The following N4BP2L1 variants were observed in gnomAD, a reference collection of about 807,000 sequenced individuals.
N4BP2L1 encodes the protein NEDD4-binding protein 2-like 1.
Under a neutral mutation model 21.2 loss-of-function variants are expected in N4BP2L1, and 12 were observed. That is an observed-to-expected ratio of 0.57 (90% CI 0.36 to 0.92). N4BP2L1 has a LOEUF of 0.92. Ranked by LOEUF, N4BP2L1 falls within the 40% of genes least tolerant of loss-of-function variation. The probability of loss-of-function intolerance (pLI) is 0.01; values close to 1 mark genes in which losing one functional copy is unlikely to be tolerated. For synonymous variants in N4BP2L1, 104 were observed against 112.8 expected (o/e 0.92, Z 0.49); for missense variants, 259 against 310.6 (o/e 0.83, Z 1.25).
At chr13:32,409,648 C>A (rs2073734164) in intron 1 of N4BP2L1, among the ~76,000 whole-genome samples, 1 of 152,184 alleles carries the variant, frequency 6.6e-6, no homozygotes, top group South Asian at 2.1e-4. Flanking sequence ...GAGGAAAAAG[C>A]TGGCCCAGCA....
At chr13:32,403,499 T>TA (rs750538544) in intron 4 of N4BP2L1, among the ~76,000 whole-genome samples, 2 of 152,188 alleles carry the variant, frequency 1.3e-5, no homozygotes, top group Non-Finnish European at 2.9e-5. Flanking sequence ...ATGAGATTTT[T>TA]AAAAAATCAT....
chr13:32,426,264 C>G (rs1298530362), intron 1 of N4BP2L1, among the ~76,000 whole-genome samples: 1 of 152,150 alleles, frequency 6.6e-6, no homozygotes, highest in Non-Finnish European at 1.5e-5. Flanking sequence ...CAGTATGAGG[C>G]AGGCCACAGA....
chr13:32,407,428 T>A, intron 2 of N4BP2L1, 90 bp from the exon 3 acceptor site: 1 of 1,603,736 alleles, frequency 6.2e-7, no homozygotes, highest in Non-Finnish European at 8.5e-7. Flanking sequence ...TATTACAGGA[T>A]GCCCTCATCT....
At chr13:32,414,097 G>A (rs564524629) in intron 1 of N4BP2L1, among the ~76,000 whole-genome samples, 1 of 152,058 alleles carries the variant, frequency 6.6e-6, no homozygotes, top group Non-Finnish European at 1.5e-5. Context: ...GGCCAGGCTG[G>A]TCTTGAACTC....
In N4BP2L1 at chr13:32,416,869, T is replaced by G. The variant is rs183117732; in HGVS notation, c.180-9097A>C. 2.6e-5 allele frequency among the ~76,000 whole-genome samples: 4 copies of G among 152,046 alleles called. No homozygotes were observed. The East Asian group carries it at 7.8e-4, about 29-fold the overall frequency. ...TCTTGCTCTGTCGCCCAGGCTGAAGTGCAATGGCATGATCTCGGCTCACTG... is the reference window on the plus strand; with the variant it reads ...TCTTGCTCTGTCGCCCAGGCTGAAGGGCAATGGCATGATCTCGGCTCACTG... On this transcript the variant is annotated intron_variant, in intron 1 of 4. Coordinates refer to ENST00000380130, the MANE Select transcript of N4BP2L1 (RefSeq NM_052818.3).
chr13:32,421,460 T>C (rs1336913983), intron 1 of N4BP2L1, among the ~76,000 whole-genome samples: 1 of 152,202 alleles, frequency 6.6e-6, no homozygotes, highest in African/African-American at 2.4e-5. Context: ...GAAAGGGATG[T>C]AGGTATGTTT....
Position 32,402,111 on chromosome 13 carries a change from T to C in N4BP2L1, c.*831A>G. On this transcript the variant is annotated 3_prime_UTR_variant, in exon 5 of 5. Coordinates refer to ENST00000380130, the MANE Select transcript of N4BP2L1 (RefSeq NM_052818.3). ...ATTTGAGCTGCCGACTAATTACACA[T>C]GTTAATAGGCATAATTTTAGAAGTC... 1.0e-6 allele frequency: 1 copy of C among 985,128 alleles called. No individual in the cohort carries two copies. The highest frequency in any genetic ancestry group is 1.2e-6 in the Non-Finnish European group (1 of 829,634). 61.0% of individuals were successfully genotyped at this position (985,128 alleles called of 1,614,324 possible). A position where few individuals can be genotyped will look rare whatever the true frequency, so the allele number is the denominator to read the frequency against.
At chr13:32,420,469 T>G (rs1297017816) in intron 1 of N4BP2L1, 1 of 152,234 alleles carries the variant, frequency 6.6e-6, no homozygotes, top group African/African-American at 2.4e-5. Flanking sequence ...CACTTTGGGC[T>G]GTCTGTGCTG....
Position 32,408,081 on chromosome 13 carries a change from G to A in N4BP2L1, c.180-309C>T, listed in dbSNP as rs143997674. Reference sequence around the variant, plus strand: ...CTCAAGAAGAAACTGAAGCTAAGTCGCAGGCCTGGTGACTGTCTTTCTTCC... The same window carrying A: ...CTCAAGAAGAAACTGAAGCTAAGTCACAGGCCTGGTGACTGTCTTTCTTCC... On this transcript the variant is annotated intron_variant, in intron 1 of 4. Coordinates refer to ENST00000380130, the MANE Select transcript of N4BP2L1 (RefSeq NM_052818.3). Among the ~76,000 whole-genome samples the A allele has an allele frequency of 9.2e-5, 14 of 152,260 alleles. No individual in the cohort carries two copies. The East Asian group carries it at 2.1e-3, about 23-fold the overall frequency.
At chr13:32,412,880 G>T (rs1282697832) in intron 1 of N4BP2L1, among the ~76,000 whole-genome samples, 1 of 152,098 alleles carries the variant, frequency 6.6e-6, no homozygotes, top group Non-Finnish European at 1.5e-5. Context: ...ATTCATAAGA[G>T]CTAATGTTAG....
At chr13:32,428,139 G>C, upstream of N4BP2L1, 1 of 1,386,974 alleles carries the variant, frequency 7.2e-7, no homozygotes, top group East Asian at 2.8e-5. Context: ...TCACGGTCTT[G>C]GCCAAAGCTG....
At chr13:32,416,340 C>T (rs2074137802) in intron 1 of N4BP2L1, among the ~76,000 whole-genome samples, 1 of 152,220 alleles carries the variant, frequency 6.6e-6, no homozygotes, top group South Asian at 2.1e-4. Context: ...AGTGGTACAA[C>T]TGGATTAAAA....
intron 3 of N4BP2L1, among the ~76,000 whole-genome samples, chr13:32,405,714 T>A (rs899209188): frequency 1.3e-5 from 2 of 152,078 alleles, no homozygotes; most frequent in African/African-American, 4.8e-5. Flanking sequence ...AATCTGGGCA[T>A]AAGTGGAACT....
At position 32,403,103 on chromosome 13, in the gene N4BP2L1, G is replaced by A; in HGVS notation, c.571C>T (p.Pro191Ser). Reference protein sequence around the residue: ...TFHSVLHAEKPSRMNRNQDRN... With the variant: ...TFHSVLHAEKSSRMNRNQDRN... ...TCCTGGTTTCTGTTCATTCTGCTTGGCTTTTCTGCATGAAGCACACTGTGA... is the reference window on the plus strand; with the variant it reads ...TCCTGGTTTCTGTTCATTCTGCTTGACTTTTCTGCATGAAGCACACTGTGA... Residue 191 changes from proline to serine, a missense_variant, in exon 5 of 5, where the codon CCA (proline) becomes TCA (serine). Physicochemically the swap from Pro to Ser is moderately conservative, Grantham distance 74 (BLOSUM62 -1). Around this residue, in one of 3 missense-constraint regions of N4BP2L1, gnomAD observed 108 missense variants for 107.8 expected, o/e 1.00. Coordinates refer to ENST00000380130, the MANE Select transcript of N4BP2L1 (RefSeq NM_052818.3). 6.2e-7 allele frequency: 1 copy of A among 1,613,962 alleles called. No homozygotes were observed. Among genetic ancestry groups the A allele is most frequent in the Non-Finnish European group, 8.5e-7 (1 of 1,179,992 alleles).
At chr13:32,406,249 C>G (rs1435320405) in intron 3 of N4BP2L1, among the ~76,000 whole-genome samples, 1 of 151,874 alleles carries the variant, frequency 6.6e-6, no homozygotes. Flanking sequence ...TTCCTCCTTT[C>G]TAGACCCAAT....
At chr13:32,423,608 G>A (rs206333) in intron 1 of N4BP2L1, among the ~76,000 whole-genome samples, 31,940 of 152,216 alleles carry the variant, frequency 0.21, 3,644 homozygotes, top group South Asian at 0.39. Flanking sequence ...TACAAAAATA[G>A]TAAAGTTCTG....
intron 1 of N4BP2L1, among the ~76,000 whole-genome samples, chr13:32,410,769 T>A (rs1487653407): frequency 6.6e-6 from 1 of 152,226 alleles, no homozygotes; most frequent in African/African-American, 2.4e-5. Flanking sequence ...AGAGATTAAA[T>A]AATAGTGTAT....
At chr13:32,417,360 A>C (rs1423746258) in intron 1 of N4BP2L1, among the ~76,000 whole-genome samples, 1 of 152,098 alleles carries the variant, frequency 6.6e-6, no homozygotes, top group African/African-American at 2.4e-5. Flanking sequence ...GTGGGTTCTC[A>C]CAAGATCTGA....
upstream of N4BP2L1, among the ~76,000 whole-genome samples, chr13:32,428,996 A>C (rs2074927831): frequency 6.6e-6 from 1 of 152,218 alleles, no homozygotes; most frequent in South Asian, 2.1e-4. Context: ...TCTGAACCAA[A>C]ATTCACCATG....
Sources: gnomAD v4.1 joint callset for allele counts (sites outside exome capture counted in the v4.1 genomes callset) on GRCh38, gnomAD v4.1.1 for gene constraint, gnomAD v4.1.1 regional missense constraint, MANE v1.5 for transcripts, NCBI Gene and HGNC (gene_info 2026-07-23, HGNC 2026-07-21) for gene names.